ARHGAP6: variants seen among roughly 807,000 people sequenced by gnomAD.
The protein encoded by ARHGAP6 is rho GTPase-activating protein 6.
In ARHGAP6, 16 loss-of-function variants were observed where a neutral mutation model predicts 55.7. The ratio of observed to expected loss-of-function variants is 0.29; its 90% CI spans 0.19 to 0.44. The LOEUF (loss-of-function observed/expected upper bound fraction) is 0.44, where lower values mean the gene tolerates loss of function less well. Ranked by LOEUF, ARHGAP6 falls within the 20% of genes least tolerant of loss-of-function variation. The pLI, the probability that ARHGAP6 is intolerant of heterozygous loss-of-function variation, is 1.00. For synonymous variants in ARHGAP6, 382 were observed against 360.9 expected (o/e 1.06, Z -0.66); for missense variants, 698 against 808.9 (o/e 0.86, Z 1.66).
chrX:11,531,170 T>A (rs2051044726), intron 1 of ARHGAP6, among the ~76,000 whole-genome samples: 1 of 111,312 alleles, frequency 9.0e-6, no homozygotes, highest in African/African-American at 3.3e-5. Flanking sequence ...GCATCTAATT[T>A]ACATATAAAA....
chrX:11,206,040 T>C (rs1244011151), intron 2 of ARHGAP6, among the ~76,000 whole-genome samples: 2 of 111,771 alleles, frequency 1.8e-5, no homozygotes, highest in Non-Finnish European at 3.8e-5. Context: ...GTGTTGCATG[T>C]TCTGCATGCA....
At chrX:11,186,164 A>G (rs1349523818) in intron 5 of ARHGAP6, 72 bp downstream of exon 5, 59 of 967,399 alleles carry the variant, frequency 6.1e-5, no homozygotes, top group Non-Finnish European at 1.0e-5. Flanking sequence ...CAGAATTGAC[A>G]TTGGGTACTT....
intron 1 of ARHGAP6, among the ~76,000 whole-genome samples, chrX:11,660,027 T>A (rs2052678652): frequency 8.9e-6 from 1 of 111,903 alleles, no homozygotes; most frequent in Admixed American, 9.4e-5. Context: ...GAATCACTGC[T>A]CTACACAAGT....
chrX:11,289,346 A>G (rs897070973), intron 1 of ARHGAP6, among the ~76,000 whole-genome samples: 2 of 111,309 alleles, frequency 1.8e-5, no homozygotes, highest in East Asian at 5.6e-4. Context: ...AACATGAGTG[A>G]GAAATATCAT....
intron 1 of ARHGAP6, among the ~76,000 whole-genome samples, chrX:11,574,822 A>T (rs1452654040): frequency 1.8e-5 from 2 of 109,863 alleles, no homozygotes; most frequent in African/African-American, 6.7e-5. Context: ...TACATCTAGA[A>T]AACCCCATTG....
chrX:11,578,820 C>T (rs2051631854), intron 1 of ARHGAP6, among the ~76,000 whole-genome samples: 2 of 111,182 alleles, frequency 1.8e-5, no homozygotes, highest in African/African-American at 6.5e-5. Flanking sequence ...GAAAATGTGG[C>T]ACATATACAC....
At chrX:11,287,983 G>C (rs1366251978) in intron 1 of ARHGAP6, among the ~76,000 whole-genome samples, 1 of 112,389 alleles carries the variant, frequency 8.9e-6, no homozygotes, top group East Asian at 2.8e-4. Flanking sequence ...CCATGCTGGT[G>C]CCTTTGTGCT....
At chrX:11,585,787 T>C (rs751212220) in intron 1 of ARHGAP6, among the ~76,000 whole-genome samples, 1 of 111,991 alleles carries the variant, frequency 8.9e-6, no homozygotes, top group African/African-American at 3.2e-5. Flanking sequence ...ACAGGCTTAG[T>C]TGGCTCACAT....
intron 1 of ARHGAP6, among the ~76,000 whole-genome samples, chrX:11,566,587 T>C (rs1339745754): frequency 8.9e-6 from 1 of 112,534 alleles, no homozygotes; most frequent in African/African-American, 3.2e-5. Context: ...TTCTCTATCA[T>C]TAAACTGTGA....
intron 1 of ARHGAP6, among the ~76,000 whole-genome samples, chrX:11,604,796 T>C (rs1203202042): frequency 7.1e-5 from 8 of 112,398 alleles, no homozygotes. Context: ...AGGCCTCAGC[T>C]GACTCAACAA....
At chrX:11,331,192 G>A (rs1376079150) in intron 1 of ARHGAP6, among the ~76,000 whole-genome samples, 1 of 111,857 alleles carries the variant, frequency 8.9e-6, no homozygotes, top group East Asian at 2.8e-4. Flanking sequence ...TAGATCCTAA[G>A]ACTCCTGTTC....
chrX:11,504,498 G>A (rs775053591), intron 1 of ARHGAP6, among the ~76,000 whole-genome samples: 1 of 111,814 alleles, frequency 8.9e-6, no homozygotes, highest in East Asian at 2.8e-4. Context: ...CCCCCGTTAA[G>A]AATCCGTCTC....
rs1185336676 is a variant in ARHGAP6, at chrX:11,634,248, A to C, written c.588+29993T>G. ...ATTATTTTTATTTAAATTCTTAATA[A>C]GCTTTAACTAATAATCATATGAAGA... On this transcript the variant is annotated intron_variant, in intron 1 of 12. Transcript: ENST00000337414. 3.6e-5 allele frequency among the ~76,000 whole-genome samples: 4 copies of C among 110,686 alleles called. No homozygotes were observed. The East Asian group carries it at 8.4e-4, about 23-fold the overall frequency.
intron 1 of ARHGAP6, among the ~76,000 whole-genome samples, chrX:11,594,489 G>A (rs1462453025): frequency 3.6e-5 from 4 of 111,624 alleles, no homozygotes; most frequent in African/African-American, 1.3e-4. Flanking sequence ...ACCAGTACTG[G>A]TATGTGGCCT....
intron 1 of ARHGAP6, among the ~76,000 whole-genome samples, chrX:11,274,827 T>C (rs954153549): frequency 2.7e-5 from 3 of 111,318 alleles, no homozygotes; most frequent in Non-Finnish European, 5.7e-5. Flanking sequence ...CTCCCCTTCC[T>C]GTGTCCAGGA....
intron 1 of ARHGAP6, among the ~76,000 whole-genome samples, chrX:11,520,223 A>G (rs1375734349): frequency 1.1e-5 from 1 of 88,104 alleles, no homozygotes; most frequent in Admixed American, 1.3e-4. Flanking sequence ...CAGGTTTGTT[A>G]CATATGTATA....
chrX:11,605,702 C>T (rs1057128872), intron 1 of ARHGAP6, among the ~76,000 whole-genome samples: 11 of 111,582 alleles, frequency 9.9e-5, no homozygotes, highest in Non-Finnish European at 1.7e-4. Context: ...AAGACTATTT[C>T]TCCCAGAAAT....
intron 1 of ARHGAP6, among the ~76,000 whole-genome samples, chrX:11,608,439 A>G (rs5935126): frequency 0.031 from 3,433 of 111,538 alleles, 70 homozygotes; most frequent in Middle Eastern, 0.07. Flanking sequence ...CATCAATATT[A>G]TCATCATCGC....
chrX:11,443,825 G>A (rs2050065511), intron 1 of ARHGAP6, among the ~76,000 whole-genome samples: 1 of 111,906 alleles, frequency 8.9e-6, no homozygotes, highest in African/African-American at 3.3e-5. Flanking sequence ...CTACTCGGGA[G>A]GCTGAGGCAG....
Sources: allele counts gnomAD v4.1 joint callset (sites outside exome capture counted in the v4.1 genomes callset), GRCh38; gene constraint gnomAD v4.1.1; transcripts MANE v1.5; gene names NCBI Gene and HGNC (gene_info 2026-07-23, HGNC 2026-07-21).